DSCAM: variants seen among roughly 807,000 people sequenced by gnomAD.
DSCAM encodes DS cell adhesion molecule, also known as cell adhesion molecule DSCAM.
A neutral mutation model predicts 217.7 loss-of-function variants in DSCAM; 47 were observed. The observed-to-expected ratio is 0.22, with a 90% CI of 0.17 to 0.28. DSCAM has a LOEUF of 0.28. Among genes scored for constraint, DSCAM ranks in the 10% least tolerant of loss-of-function variants. The probability of loss-of-function intolerance (pLI) is 1.00; values close to 1 mark genes in which losing one functional copy is unlikely to be tolerated. For synonymous variants in DSCAM, 1,056 were observed against 1,015.3 expected (o/e 1.04, Z -0.76); for missense variants, 2,080 against 2,618.3 (o/e 0.79, Z 4.49).
intron 11 of DSCAM, among the ~76,000 whole-genome samples, chr21:40,210,656 T>C (rs963796726): frequency 1.3e-5 from 2 of 152,250 alleles, no homozygotes; most frequent in Non-Finnish European, 2.9e-5. Context: ...ATGATTCTCC[T>C]GCCTCAGCCT....
In DSCAM at chr21:40,828,586, C is replaced by A. The variant is rs573084842; in HGVS notation, c.43+18033G>T. Among the ~76,000 whole-genome samples the A allele has an allele frequency of 2.5e-4, 38 of 152,258 alleles. No homozygotes were observed. In the East Asian group the frequency reaches 6.0e-3, roughly 24 times the overall value. On this transcript the variant is annotated intron_variant, in intron 1 of 32. Coordinates refer to ENST00000400454, the MANE Select transcript of DSCAM (RefSeq NM_001389.5). ...ACCCATGAGTAGTGGGCTTCGGTCT[C>A]CCGTCAGCCTGTGGAATCAGCCAAA...
At chr21:40,644,937 C>A (rs1395498249) in intron 3 of DSCAM, among the ~76,000 whole-genome samples, 1 of 152,124 alleles carries the variant, frequency 6.6e-6, no homozygotes, top group African/African-American at 2.4e-5. Context: ...AAATTGTTTT[C>A]AAGTTACTAA....
intron 15 of DSCAM, among the ~76,000 whole-genome samples, chr21:40,174,370 AT>A: frequency 6.6e-6 from 1 of 152,260 alleles, no homozygotes; most frequent in Non-Finnish European, 1.5e-5. Flanking sequence ...TAGGGACACT[AT>A]GCCAGTGGCA....
At chr21:40,832,824 A>G (rs1056218099) in intron 1 of DSCAM, among the ~76,000 whole-genome samples, 2 of 152,188 alleles carry the variant, frequency 1.3e-5, no homozygotes, top group Non-Finnish European at 2.9e-5. Context: ...AAGCCCATCA[A>G]TGACAACACC....
At chr21:40,322,063 C>T (rs1277922885) in intron 8 of DSCAM, among the ~76,000 whole-genome samples, 6 of 152,182 alleles carry the variant, frequency 3.9e-5, no homozygotes, top group Non-Finnish European at 7.3e-5. Context: ...ATGTCCACTT[C>T]CTCTGCTCCT....
intron 18 of DSCAM, 149 bp from the exon 19 acceptor site, chr21:40,134,158 A>G: frequency 4.0e-6 from 4 of 1,008,608 alleles, no homozygotes; most frequent in Non-Finnish European, 5.5e-6. Flanking sequence ...GACTGTGCAC[A>G]GTCATCCTGT....
intron 20 of DSCAM, among the ~76,000 whole-genome samples, chr21:40,098,289 G>A (rs1440175931): frequency 6.6e-6 from 1 of 152,096 alleles, no homozygotes; most frequent in Non-Finnish European, 1.5e-5. Context: ...GTGAATAAAC[G>A]TTTAGGATTT....
chr21:40,453,006 T>C (rs1021205984), intron 3 of DSCAM, among the ~76,000 whole-genome samples: 9 of 151,382 alleles, frequency 5.9e-5, no homozygotes, highest in African/African-American at 2.2e-4. Flanking sequence ...GACAGAAACA[T>C]GGCTGCCTCT....
chr21:40,605,755 T>C (rs2089226630), intron 3 of DSCAM, among the ~76,000 whole-genome samples: 1 of 149,242 alleles, frequency 6.7e-6, no homozygotes, highest in Non-Finnish European at 1.5e-5. Flanking sequence ...AAACAAAAAA[T>C]ATGTTCTTCA....
chr21:40,613,101 G>A (rs1272736375), intron 3 of DSCAM, among the ~76,000 whole-genome samples: 2 of 152,158 alleles, frequency 1.3e-5, no homozygotes, highest in Non-Finnish European at 2.9e-5. Context: ...TTCAGCCTCA[G>A]AAAGAATATT....
intron 11 of DSCAM, among the ~76,000 whole-genome samples, chr21:40,248,288 T>G (rs958422719): frequency 6.6e-6 from 1 of 152,248 alleles, no homozygotes; most frequent in Admixed American, 6.5e-5. Flanking sequence ...AGATGGCATT[T>G]TCTTTTCTAT....
chr21:40,290,344 C>A (rs900308013), intron 10 of DSCAM, among the ~76,000 whole-genome samples: 1 of 152,144 alleles, frequency 6.6e-6, no homozygotes, highest in African/African-American at 2.4e-5. Flanking sequence ...GACTTCAGGG[C>A]AGGTGCGGTG....
intron 3 of DSCAM, among the ~76,000 whole-genome samples, chr21:40,403,291 T>A (rs1385302137): frequency 3.9e-5 from 6 of 152,040 alleles, no homozygotes; most frequent in Non-Finnish European, 8.8e-5. Flanking sequence ...GTCCAGGTGA[T>A]TAGTAAATCT....
chr21:40,426,654 A>G (rs2075477755), intron 3 of DSCAM, among the ~76,000 whole-genome samples: 1 of 152,210 alleles, frequency 6.6e-6, no homozygotes, highest in Admixed American at 6.5e-5. Flanking sequence ...GAGATGAAGA[A>G]AAGTACAAGA....
intron 3 of DSCAM, among the ~76,000 whole-genome samples, chr21:40,535,436 G>C (rs8132686): frequency 0.016 from 2,428 of 152,286 alleles, 53 homozygotes; most frequent in Admixed American, 0.037. Context: ...ATAAGCCTTA[G>C]TTTCCTTAAC....
chr21:40,558,410 T>C (rs2076689848), intron 3 of DSCAM, among the ~76,000 whole-genome samples: 1 of 150,970 alleles, frequency 6.6e-6, no homozygotes, highest in South Asian at 2.1e-4. Flanking sequence ...ATCGCACCAC[T>C]GCACTCCAGC....
chr21:40,453,257 T>C (rs1419944043), intron 3 of DSCAM, among the ~76,000 whole-genome samples: 2 of 152,160 alleles, frequency 1.3e-5, no homozygotes, highest in Admixed American at 6.6e-5. Context: ...TCTTTCAGAA[T>C]GTATTCTTTC....
At chr21:40,015,001 C>T (rs2088132002) in intron 32 of DSCAM, among the ~76,000 whole-genome samples, 2 of 152,184 alleles carry the variant, frequency 1.3e-5, no homozygotes, top group Non-Finnish European at 2.9e-5. Flanking sequence ...TTTCTGGCCA[C>T]CCTTTCTCAC....
intron 14 of DSCAM, among the ~76,000 whole-genome samples, chr21:40,186,677 C>A (rs1460689082): frequency 6.6e-6 from 1 of 152,190 alleles, no homozygotes; most frequent in African/African-American, 2.4e-5. Flanking sequence ...CTGCACCAAC[C>A]ACCACTGCAC....
Sources: gnomAD v4.1 joint callset for allele counts (sites outside exome capture counted in the v4.1 genomes callset) on GRCh38, gnomAD v4.1.1 for gene constraint, MANE v1.5 for transcripts, NCBI Gene and HGNC (gene_info 2026-07-23, HGNC 2026-07-21) for gene names.